The following POLR1A variants were observed in gnomAD, a reference collection of about 807,000 sequenced individuals.
The protein encoded by POLR1A is DNA-directed RNA polymerase I subunit RPA1.
In POLR1A, 84 loss-of-function variants were observed where a neutral mutation model predicts 205.3. The ratio of observed to expected loss-of-function variants is 0.41; its 90% CI spans 0.34 to 0.49. POLR1A has a LOEUF of 0.49. Ranked by LOEUF, POLR1A falls within the 20% of genes least tolerant of loss-of-function variation. The pLI, the probability that POLR1A is intolerant of heterozygous loss-of-function variation, is 0.22. For missense variants in POLR1A, 1,645 were observed against 2,204.5 expected, an observed-to-expected ratio of 0.75 and a Z score of 5.08; for synonymous variants, 799 against 863.7, an observed-to-expected ratio of 0.93 and a Z score of 1.31.
intron 14 of POLR1A, among the ~76,000 whole-genome samples, chr2:86,062,012 G>A (rs1673007557): frequency 6.6e-6 from 1 of 152,170 alleles, no homozygotes; most frequent in Admixed American, 6.5e-5. Flanking sequence ...CAAATAATGA[G>A]AGACCTTCGG....
chr2:86,092,272 T>C (rs1379702505), intron 3 of POLR1A, among the ~76,000 whole-genome samples: 1 of 152,194 alleles, frequency 6.6e-6, no homozygotes, highest in Non-Finnish European at 1.5e-5. Context: ...GCTGGGCATA[T>C]CCTACGGTCC....
intron 1 of POLR1A, among the ~76,000 whole-genome samples, chr2:86,101,225 A>T (rs1176088388): frequency 6.6e-6 from 1 of 152,228 alleles, no homozygotes; most frequent in African/African-American, 2.4e-5. Flanking sequence ...CAAAGAAACC[A>T]TCCCAATCTG....
chr2:86,075,501 C>A (rs897307891), intron 11 of POLR1A, among the ~76,000 whole-genome samples: 1 of 152,106 alleles, frequency 6.6e-6, no homozygotes, highest in Admixed American at 6.5e-5. Context: ...TTAAGCGCAG[C>A]AGTTTATATA....
Position 86,031,458 on chromosome 2 carries a change from G to T in POLR1A, c.4450C>A (p.Arg1484=). The change falls in exon 30 of 34, where the codon CGG becomes AGG. Residue 1484 remains arginine (R), a synonymous_variant. Transcript: ENST00000263857. The part of the protein sequence containing the change: ...PSLPALLTQP[R]KPTHSQEPQG... The stretch of plus-strand genomic sequence containing the variant: ...GGCTCCTGGCTGTGGGTGGGTTTCC[G>T]GGGCTGCGTCAGGAGGGCGGGAAGG... The T allele has an allele frequency of 5.0e-6, 8 of 1,614,196 alleles. No individual in the cohort carries two copies. The highest frequency in any genetic ancestry group is 6.8e-6 in the Non-Finnish European group (8 of 1,180,028).
In POLR1A at chr2:86,044,276, C is replaced by G; in HGVS notation, c.2998G>C (p.Val1000Leu). ...CGGACCGTGAGATCATACTGCACGA[C>G]CAGCCCCTCTAGGTGCTTGATGATG... The part of the protein sequence containing the change: ...RCIIKHLEGL[V>L]VQYDLTVRDS... Residue 1000 changes from valine to leucine, a missense_variant, in exon 22 of 34, where the codon GTC becomes CTC. Around this residue, in one of 16 missense-constraint regions of POLR1A, gnomAD observed 17 missense variants for 25.0 expected, o/e 0.68. Coordinates refer to ENST00000263857, the MANE Select transcript of POLR1A (RefSeq NM_015425.6). 1 of 1,614,180 alleles carries G rather than the reference C, an allele frequency of 6.2e-7. No homozygotes were observed.
chr2:86,032,870 T>C (rs1480075025), intron 28 of POLR1A, among the ~76,000 whole-genome samples: 2 of 152,230 alleles, frequency 1.3e-5, no homozygotes, highest in East Asian at 1.9e-4. Flanking sequence ...ATTCTAAAGA[T>C]AGTCCACACC....
At chr2:86,061,084 T>A (rs1439735842) in intron 14 of POLR1A, among the ~76,000 whole-genome samples, 2 of 152,210 alleles carry the variant, frequency 1.3e-5, no homozygotes, top group East Asian at 3.9e-4. Context: ...ACATGATAAT[T>A]AAAACAGTAA....
rs61056382 is a variant in POLR1A at position 86,033,974 on chromosome 2, A to C, written c.4035-187T>G. 6.4e-3 allele frequency among the ~76,000 whole-genome samples: 977 copies of C among 152,264 alleles called. 26 individuals are homozygous for C. The East Asian group carries it at 0.098, about 15-fold the overall frequency. ...GAACCGTCTCTGGCGTATCAGGAAC[A>C]CCGGTTCCACAGTCCAACAGGCCTG... On this transcript the variant is annotated intron_variant, in intron 27 of 33. Coordinates refer to ENST00000263857, the MANE Select transcript of POLR1A (RefSeq NM_015425.6).
chr2:86,058,892 G>A (rs1672948179), intron 14 of POLR1A, among the ~76,000 whole-genome samples: 2 of 152,054 alleles, frequency 1.3e-5, no homozygotes, highest in Non-Finnish European at 2.9e-5. Context: ...TGAAGCTGGA[G>A]GATCACTTGA....
rs1157776647 is a variant in POLR1A at position 86,047,227 on chromosome 2, C to G, written c.2671G>C (p.Glu891Gln). 1.2e-6 allele frequency: 2 copies of G among 1,614,022 alleles called. No homozygotes were observed. Among genetic ancestry groups the G allele is most frequent in the East Asian group, 2.2e-5 (1 of 44,898 alleles). Reference sequence around the variant, plus strand: ...TGCACCATCATCTGCAGGCTGTTCTCTGGGAACTGTCTGTGTAGGCCAAAA... The same window carrying G: ...TGCACCATCATCTGCAGGCTGTTCTGTGGGAACTGTCTGTGTAGGCCAAAA... ...MPFGLHRQFPENSLQMMVQSG... is the reference protein window; with the variant it reads ...MPFGLHRQFPQNSLQMMVQSG... The change falls in exon 19 of 34, where the codon GAG (glutamate) becomes CAG (glutamine). Residue 891 changes from glutamate to glutamine, a missense_variant. Around this residue, in one of 16 missense-constraint regions of POLR1A, gnomAD observed 339 missense variants for 415.1 expected, o/e 0.82. Transcript: ENST00000263857.
At chr2:86,051,524 G>C (rs370190444) in intron 16 of POLR1A, among the ~76,000 whole-genome samples, 2 of 152,254 alleles carry the variant, frequency 1.3e-5, no homozygotes, top group South Asian at 2.1e-4. Flanking sequence ...GTCTGCACAC[G>C]AGTGGGTCTG....
Position 86,045,618 on chromosome 2 carries a change from G to T in POLR1A, c.2885C>A (p.Pro962His). The change falls in exon 20 of 34, where the codon CCT becomes CAT. Residue 962 changes from proline to histidine, a missense_variant and splice_region_variant. Physicochemically the swap from Pro to His is moderately conservative, Grantham distance 77 (BLOSUM62 -2). Around this residue, in one of 16 missense-constraint regions of POLR1A, gnomAD observed 339 missense variants for 415.1 expected, o/e 0.82. Coordinates refer to ENST00000263857, the MANE Select transcript of POLR1A (RefSeq NM_015425.6). ...TGRFLTGIKP[P>H]EFFFHCMAGR... The stretch of plus-strand genomic sequence containing the variant: ...AAATGGAAAAACCAAAATACATACA[G>T]GAGGTTTGATGCCGGTGAGGAACCT... 1 of 1,614,124 alleles carries T rather than the reference G, an allele frequency of 6.2e-7. No homozygotes were observed. The highest frequency in any genetic ancestry group is 1.3e-5 in the African/African-American group (1 of 75,066).
rs1480654323 is a variant in POLR1A, at chr2:86,028,813, A to C, written c.4780-102T>G. ...CGCTCTCTCTCTCCTTGTGTCTGGCAGCTCGGTACAGCTGATGACAAAGTG... is the reference window on the plus strand; with the variant it reads ...CGCTCTCTCTCTCCTTGTGTCTGGCCGCTCGGTACAGCTGATGACAAAGTG... On this transcript the variant is annotated intron_variant, in intron 31 of 33. Coordinates refer to ENST00000263857, the MANE Select transcript of POLR1A (RefSeq NM_015425.6). This position sits in a 1 kb window ranked among gnomAD's most constrained non-coding sequence, Gnocchi z 4.5. 1 of 775,608 alleles carries C rather than the reference A, an allele frequency of 1.3e-6. No homozygotes were observed. Among genetic ancestry groups the C allele is most frequent in the African/African-American group, 1.7e-5 (1 of 58,476 alleles). The allele number at this position is 775,608 out of a possible 1,614,324, so 48.0% of individuals were successfully genotyped here.
In POLR1A at chr2:86,044,301, G is replaced by A; in HGVS notation, c.2973C>T (p.Cys991=). ...KTSRSGYLQR[C]IIKHLEGLVV... ...CCAGCCCCTCTAGGTGCTTGATGAT[G>A]CACCTGTAAGGACACCATCGGCTCA... The change falls in exon 22 of 34, where the codon TGC becomes TGT. Residue 991 remains cysteine (C), a synonymous_variant. Transcript: ENST00000263857. The A allele has an allele frequency of 1.2e-6, 2 of 1,614,126 alleles. No homozygotes were observed. The highest frequency in any genetic ancestry group is 2.7e-5 in the African/African-American group (2 of 75,044).
At chr2:86,088,006 T>G (rs1223378335) in intron 6 of POLR1A, among the ~76,000 whole-genome samples, 1 of 152,210 alleles carries the variant, frequency 6.6e-6, no homozygotes, top group Non-Finnish European at 1.5e-5. Flanking sequence ...AAAACATTTT[T>G]AAATAAGCCT....
chr2:86,036,003 G>C (rs923405492), intron 27 of POLR1A, among the ~76,000 whole-genome samples: 2 of 152,166 alleles, frequency 1.3e-5, no homozygotes, highest in Non-Finnish European at 2.9e-5. Context: ...GGGAACTAAC[G>C]GCCCACAGTG....
rs1447759486 is a variant in POLR1A at position 86,070,065 on chromosome 2, C to T, written c.1819G>A (p.Glu607Lys). 3 of 1,614,016 alleles carry T rather than the reference C, an allele frequency of 1.9e-6. No homozygotes were observed. The highest frequency in any genetic ancestry group is 8.5e-7 in the Non-Finnish European group (1 of 1,179,942). Reference sequence around the variant, plus strand: ...TCAGTGCAGGCCAGGACGTAGGCCTCGGCCCGGCCCAGCTCACTCTGGGGG... The same window carrying T: ...TCAGTGCAGGCCAGGACGTAGGCCTTGGCCCGGCCCAGCTCACTCTGGGGG... ...HFPQSELGRAEAYVLACTDQQ... is the reference protein window; with the variant it reads ...HFPQSELGRAKAYVLACTDQQ... The change falls in exon 13 of 34, where the codon GAG (glutamate) becomes AAG (lysine). Residue 607 changes from glutamate (E) to lysine (K), a missense_variant. Coordinates refer to ENST00000263857, the MANE Select transcript of POLR1A (RefSeq NM_015425.6). This position sits in a 1 kb window ranked among gnomAD's most constrained non-coding sequence, Gnocchi z 4.4.
At chr2:86,053,347 C>G (rs1672840229) in intron 15 of POLR1A, among the ~76,000 whole-genome samples, 1 of 152,002 alleles carries the variant, frequency 6.6e-6, no homozygotes, top group Admixed American at 6.6e-5. Context: ...GGTCAAGTAT[C>G]CTTGACAAAG....
At chr2:86,100,387 A>G (rs904520799) in intron 1 of POLR1A, among the ~76,000 whole-genome samples, 1 of 152,226 alleles carries the variant, frequency 6.6e-6, no homozygotes, top group Admixed American at 6.5e-5. Context: ...AATAAGTCAT[A>G]AAATACATAT....
Sources: allele counts gnomAD v4.1 joint callset (sites outside exome capture counted in the v4.1 genomes callset), GRCh38; gene constraint gnomAD v4.1.1; regional missense constraint gnomAD v4.1.1; non-coding constraint Gnocchi (gnomAD v3.1); transcripts MANE v1.5; gene names NCBI Gene and HGNC (gene_info 2026-07-23, HGNC 2026-07-21).